Variants in ZNF385B observed in about 807,000 individuals in gnomAD.
The protein encoded by ZNF385B is zinc finger protein 385B, also known as zinc finger protein 533.
Under a neutral mutation model 39.2 loss-of-function variants are expected in ZNF385B, and 23 were observed. The observed-to-expected ratio is 0.59, with a 90% CI of 0.42 to 0.83. ZNF385B has a LOEUF of 0.83. ZNF385B is among the 40% of genes least tolerant of loss of function. ZNF385B has a pLI of 0.00. For synonymous variants in ZNF385B, 205 were observed against 222.6 expected (o/e 0.92, Z 0.70); for missense variants, 552 against 598.9 (o/e 0.92, Z 0.82).
chr2:179,566,906 TTTC>T (rs1344676511), intron 3 of ZNF385B, among the ~76,000 whole-genome samples: 147 of 151,132 alleles, frequency 9.7e-4, no homozygotes, highest in African/African-American at 3.4e-3. Context: ...ATCTTTTTCT[TTTC>T]TTTTCTTTTT....
chr2:179,662,986 T>C (rs1694676290), intron 3 of ZNF385B, among the ~76,000 whole-genome samples: 1 of 152,192 alleles, frequency 6.6e-6, no homozygotes, highest in Admixed American at 6.5e-5. Context: ...TCTTCTCTCC[T>C]TACTTGATGG....
chr2:179,754,035 T>G lies in ZNF385B; in HGVS notation c.298+15468A>C, dbSNP rs570733440. On this transcript the variant is annotated intron_variant, in intron 3 of 9. Transcript: ENST00000410066. Reference sequence around the variant, plus strand: ...CAGTTTTCAAAGGGAATGCTTCCAGTTTTTGCCCATTCAGTATGATATTGG... The same window carrying G: ...CAGTTTTCAAAGGGAATGCTTCCAGGTTTTGCCCATTCAGTATGATATTGG... 7.2e-5 allele frequency among the ~76,000 whole-genome samples: 11 copies of G among 152,234 alleles called. No homozygotes were observed. The East Asian group carries it at 1.5e-3, about 21-fold the overall frequency.
At chr2:179,756,856 C>T (rs536730139) in intron 3 of ZNF385B, among the ~76,000 whole-genome samples, 2 of 152,266 alleles carry the variant, frequency 1.3e-5, no homozygotes, top group South Asian at 2.1e-4. Context: ...TTCTAGTTAG[C>T]CATTTGTGTA....
chr2:179,629,810 C>T (rs1487414226), intron 3 of ZNF385B, among the ~76,000 whole-genome samples: 1 of 152,194 alleles, frequency 6.6e-6, no homozygotes, highest in African/African-American at 2.4e-5. Context: ...ACACTCCTGC[C>T]CAAATACTGC....
At chr2:179,669,538 A>G (rs762078533) in intron 3 of ZNF385B, among the ~76,000 whole-genome samples, 3 of 152,232 alleles carry the variant, frequency 2.0e-5, no homozygotes, top group Non-Finnish European at 4.4e-5. Context: ...TGGCCTAGCC[A>G]GAAGCAGCCT....
chr2:179,860,689 C>T, intron 1 of ZNF385B: 1 of 324,898 alleles, frequency 3.1e-6, no homozygotes. Context: ...ACCCATTTCC[C>T]GGTCATTGAG....
At chr2:179,696,326 C>CTTTTTGTTTTTTTTTTTTTT (rs1698745662) in intron 3 of ZNF385B, among the ~76,000 whole-genome samples, 1 of 40,354 alleles carries the variant, frequency 2.5e-5, no homozygotes, top group Non-Finnish European at 4.1e-5. Context: ...CAAACTGGGA[C>CTTTTTGTTTTTTTTTTTTTT]TTTTTTTTTT....
At chr2:179,836,366 G>A (rs978328367) in intron 1 of ZNF385B, among the ~76,000 whole-genome samples, 1 of 152,112 alleles carries the variant, frequency 6.6e-6, no homozygotes, top group Non-Finnish European at 1.5e-5. Context: ...AACCCTGCAG[G>A]TTAAACTCTG....
intron 4 of ZNF385B, among the ~76,000 whole-genome samples, chr2:179,533,370 A>C (rs1366595240): frequency 2.0e-5 from 3 of 152,208 alleles, no homozygotes; most frequent in Admixed American, 6.5e-5. Flanking sequence ...AGCTATGAAT[A>C]TCTTAGTCTG....
chr2:179,859,539 T>A (rs1448782871), intron 1 of ZNF385B, among the ~76,000 whole-genome samples: 1 of 152,158 alleles, frequency 6.6e-6, no homozygotes, highest in Non-Finnish European at 1.5e-5. Flanking sequence ...GAATTCACCT[T>A]CCCCAAAGCA....
intron 1 of ZNF385B, among the ~76,000 whole-genome samples, chr2:179,819,606 G>A (rs763918868): frequency 5.9e-5 from 9 of 152,150 alleles, no homozygotes; most frequent in Non-Finnish European, 1.2e-4. Flanking sequence ...TTTTCCCCTT[G>A]GAAAGATGGG....
chr2:179,522,178 CAT>C (rs1333945460), intron 4 of ZNF385B, among the ~76,000 whole-genome samples: 1 of 152,174 alleles, frequency 6.6e-6, no homozygotes, highest in African/African-American at 2.4e-5. Flanking sequence ...ATACTCGAGT[CAT>C]TTCAATGGGA....
intron 3 of ZNF385B, among the ~76,000 whole-genome samples, chr2:179,691,468 T>A (rs1319004667): frequency 6.6e-6 from 1 of 152,210 alleles, no homozygotes; most frequent in Admixed American, 6.5e-5. Flanking sequence ...TCTCATTCAA[T>A]AAATATTTAC....
intron 3 of ZNF385B, among the ~76,000 whole-genome samples, chr2:179,651,108 A>C (rs892978364): frequency 3.9e-5 from 6 of 151,918 alleles, no homozygotes; most frequent in African/African-American, 1.5e-4. Context: ...TCTGACTTCA[A>C]TGTCTTCAGA....
At chr2:179,697,973 T>C (rs535305596) in intron 3 of ZNF385B, among the ~76,000 whole-genome samples, 1 of 152,156 alleles carries the variant, frequency 6.6e-6, no homozygotes, top group South Asian at 2.1e-4. Context: ...TTCTCACTCA[T>C]AGGTGGGAAT....
At chr2:179,507,291 C>G (rs1479635871) in intron 5 of ZNF385B, among the ~76,000 whole-genome samples, 1 of 152,060 alleles carries the variant, frequency 6.6e-6, no homozygotes, top group Non-Finnish European at 1.5e-5. Context: ...GCCCATAGGC[C>G]CCCTGCAGCC....
At chr2:179,559,654 ATC>A (rs1250555043) in intron 3 of ZNF385B, among the ~76,000 whole-genome samples, 3 of 152,056 alleles carry the variant, frequency 2.0e-5, no homozygotes, top group Non-Finnish European at 2.9e-5. Flanking sequence ...TTTTTTTAAT[ATC>A]ATATAAAATT....
At chr2:179,767,431 G>C (rs1199260206) in intron 3 of ZNF385B, among the ~76,000 whole-genome samples, 1 of 152,170 alleles carries the variant, frequency 6.6e-6, no homozygotes, top group East Asian at 1.9e-4. Context: ...CTAAGTTCTA[G>C]AGTCCATCTA....
chr2:179,698,957 A>G (rs1559103815), intron 3 of ZNF385B, among the ~76,000 whole-genome samples: 1 of 152,174 alleles, frequency 6.6e-6, no homozygotes, highest in Non-Finnish European at 1.5e-5. Flanking sequence ...TTATTTAAAT[A>G]ATTTCACTAT....
Sources: allele counts gnomAD v4.1 joint callset (sites outside exome capture counted in the v4.1 genomes callset), GRCh38; gene constraint gnomAD v4.1.1; transcripts MANE v1.5; gene names NCBI Gene and HGNC (gene_info 2026-07-23, HGNC 2026-07-21).